Variants in ZNF875 observed in about 807,000 individuals in gnomAD.
ZNF875 encodes the protein zinc finger protein 875.
Under a neutral mutation model 11.2 loss-of-function variants are expected in ZNF875, and 14 were observed. That is an observed-to-expected ratio of 1.26 (90% CI 0.83 to 1.96). ZNF875 has a LOEUF of 1.96. Among genes scored for constraint, ZNF875 ranks in the 30% most tolerant of loss-of-function variants. The pLI, the probability that ZNF875 is intolerant of heterozygous loss-of-function variation, is 0.00. For missense variants in ZNF875, 752 were observed against 760.4 expected, an observed-to-expected ratio of 0.99 and a Z score of 0.13; for synonymous variants, 301 against 281.1, an observed-to-expected ratio of 1.07 and a Z score of -0.71.
At chr19:37,334,003 C>T (rs906105659), upstream of ZNF875, among the ~76,000 whole-genome samples, 3 of 152,038 alleles carry the variant, frequency 2.0e-5, no homozygotes, top group South Asian at 2.1e-4. Flanking sequence ...GATCAAGCTT[C>T]GGATCCCCAC....
At chr19:37,347,395 G>A in intron 3 of ZNF875, 79 bp downstream of exon 3, 1 of 1,353,616 alleles carries the variant, frequency 7.4e-7, no homozygotes, top group Non-Finnish European at 1.0e-6. Flanking sequence ...GCTACCTGCA[G>A]AGCACCTTTC....
At chr19:37,347,111 C>T in intron 2 of ZNF875, 79 bp from the exon 3 acceptor site, 1 of 1,600,442 alleles carries the variant, frequency 6.2e-7, no homozygotes, top group Non-Finnish European at 8.6e-7. Flanking sequence ...ACCACCGGGC[C>T]TGGCCTTGAC....
intron 2 of ZNF875, among the ~76,000 whole-genome samples, chr19:37,337,046 C>G (rs570205057): frequency 9.8e-5 from 15 of 152,298 alleles, no homozygotes; most frequent in African/African-American, 3.6e-4. Flanking sequence ...TGGGACATTT[C>G]CAAAATTCCA....
At chr19:37,349,799 C>T (rs1647195672) in intron 4 of ZNF875, among the ~76,000 whole-genome samples, 1 of 151,900 alleles carries the variant, frequency 6.6e-6, no homozygotes, top group Non-Finnish European at 1.5e-5. Flanking sequence ...GGACTACAGG[C>T]GTGTGCCACC....
chr19:37,349,795 C>CAA (rs2146332335), intron 4 of ZNF875, among the ~76,000 whole-genome samples: 1 of 152,152 alleles, frequency 6.6e-6, no homozygotes, highest in African/African-American at 2.4e-5. Context: ...GCGGGGACTA[C>CAA]AGGCGTGTGC....
chr19:37,350,323 C>A (rs2037635859), intron 4 of ZNF875, among the ~76,000 whole-genome samples: 1 of 151,464 alleles, frequency 6.6e-6, no homozygotes, highest in Non-Finnish European at 1.5e-5. Context: ...CATCTCCTGA[C>A]CTCATGATCC....
chr19:37,330,147 C>G (rs1459795261), upstream of ZNF875, among the ~76,000 whole-genome samples: 1 of 151,854 alleles, frequency 6.6e-6, no homozygotes, highest in African/African-American at 2.4e-5. Context: ...TTTTACCTAT[C>G]TTTTAAATTG....
At chr19:37,355,817 C>T (rs2038805104) in intron 4 of ZNF875, among the ~76,000 whole-genome samples, 1 of 152,068 alleles carries the variant, frequency 6.6e-6, no homozygotes, top group African/African-American at 2.4e-5. Flanking sequence ...TGTACATGTG[C>T]AGGTTTGTTA....
At chr19:37,343,081 G>A (rs2036059976) in intron 2 of ZNF875, among the ~76,000 whole-genome samples, 1 of 152,178 alleles carries the variant, frequency 6.6e-6, no homozygotes, top group Non-Finnish European at 1.5e-5. Context: ...GCTCTCACCT[G>A]TAATCCCAAC....
intron 4 of ZNF875, among the ~76,000 whole-genome samples, chr19:37,327,614 A>G (rs1391688045): frequency 6.6e-6 from 1 of 151,634 alleles, no homozygotes; most frequent in Non-Finnish European, 1.5e-5. Context: ...CTAAAAATAC[A>G]AAATTATTCG....
At position 37,363,045 on chromosome 19, in the gene ZNF875, A is replaced by G. The variant is rs1168803916; in HGVS notation, c.1193A>G (p.Glu398Gly). Reference protein sequence around the residue: ...HSGEKPYICRECEQGFSQKSH... With the variant: ...HSGEKPYICRGCEQGFSQKSH... Reference sequence around the variant, plus strand: ...GGAGAGAAGCCTTACATTTGCAGGGAGTGTGAGCAAGGCTTTAGCCAGAAG... The same window carrying G: ...GGAGAGAAGCCTTACATTTGCAGGGGGTGTGAGCAAGGCTTTAGCCAGAAG... The change falls in exon 5 of 5, where the codon GAG becomes GGG. Residue 398 changes from glutamate (E) to glycine (G), a missense_variant. By Grantham distance (98) the Glu-to-Gly change is moderately conservative. Coordinates refer to ENST00000392153, the MANE Select transcript of ZNF875 (RefSeq NM_001353803.2). 1.2e-6 allele frequency: 2 copies of G among 1,614,098 alleles called. No homozygotes were observed. The highest frequency in any genetic ancestry group is 1.3e-5 in the African/African-American group (1 of 74,944).
At chr19:37,321,662 AG>A (rs2031487900) in intron 1 of ZNF875, among the ~76,000 whole-genome samples, 2 of 152,066 alleles carry the variant, frequency 1.3e-5, no homozygotes, top group South Asian at 4.2e-4. Context: ...TCAGGTGTGG[AG>A]GGGCAGGCCA....
At chr19:37,344,960 T>A in intron 2 of ZNF875, 1 of 562,812 alleles carries the variant, frequency 1.8e-6, no homozygotes, top group South Asian at 1.9e-5. Flanking sequence ...GTTTCAGACA[T>A]ATGGAAAAAA....
At chr19:37,350,450 A>G (rs2037657014) in intron 4 of ZNF875, among the ~76,000 whole-genome samples, 1 of 152,076 alleles carries the variant, frequency 6.6e-6, no homozygotes, top group African/African-American at 2.4e-5. Context: ...AAAATAATAC[A>G]GAGAGTTTCC....
At chr19:37,314,503 A>T (rs2030098075), upstream of ZNF875, among the ~76,000 whole-genome samples, 1 of 152,164 alleles carries the variant, frequency 6.6e-6, no homozygotes, top group Non-Finnish European at 1.5e-5. Flanking sequence ...GTAGAATAAG[A>T]TGGTCCTAGG....
At chr19:37,322,438 A>G (rs1198129790) in intron 2 of ZNF875, among the ~76,000 whole-genome samples, 5 of 152,162 alleles carry the variant, frequency 3.3e-5, no homozygotes, top group Non-Finnish European at 7.3e-5. Flanking sequence ...TAATTTACAG[A>G]GCAAATACCC....
intron 4 of ZNF875, among the ~76,000 whole-genome samples, chr19:37,356,349 C>T (rs1165322672): frequency 1.3e-5 from 2 of 152,148 alleles, no homozygotes; most frequent in East Asian, 1.9e-4. Context: ...TACTGTTTGC[C>T]ATACAGGTTG....
rs1296927511 is a variant in ZNF875, at chr19:37,362,918, CA to C, written c.1067del (p.His356ProfsTer58). On this transcript the variant is annotated frameshift_variant, in exon 5 of 5. Coordinates refer to ENST00000392153, the MANE Select transcript of ZNF875 (RefSeq NM_001353803.2). LOFTEE classifies it low-confidence loss of function (END_TRUNC). ...TAGCCTGAAGTCAAACCTCATTACC[CA>C]CCAGAGGGCGCACACTGGGGAGAAG... ...SFSLKSNLITHQRAHTGEKPY... is the reference protein window; with the variant it reads ...SFSLKSNLITXQRAHTGEKPY... The C allele has an allele frequency of 6.2e-7, 1 of 1,613,564 alleles. No individual in the cohort carries two copies. The highest frequency in any genetic ancestry group is 1.3e-5 in the African/African-American group (1 of 74,798).
chr19:37,362,351 A>G lies in ZNF875; in HGVS notation c.499A>G (p.Arg167Gly), dbSNP rs2040078169. 1.2e-6 allele frequency: 2 copies of G among 1,614,040 alleles called. No homozygotes were observed. Among genetic ancestry groups the G allele is most frequent in the Admixed American group, 3.3e-5 (2 of 59,998 alleles). ...EGEDSRLLFGRVSKNGTSKAL... is the reference protein window; with the variant it reads ...EGEDSRLLFGGVSKNGTSKAL... ...AGAAGACTCCAGACTCCTGTTTGGG[A>G]GAGTAAGCAAAAATGGCACTTCAAA... is the stretch of plus-strand genomic sequence containing the variant. The change falls in exon 5 of 5, where the codon AGA becomes GGA. Residue 167 changes from arginine to glycine, a missense_variant. Arg to Gly is a moderately radical substitution (Grantham distance 125). Coordinates refer to ENST00000392153, the MANE Select transcript of ZNF875 (RefSeq NM_001353803.2).
Sources: gnomAD v4.1 joint callset for allele counts (sites outside exome capture counted in the v4.1 genomes callset) on GRCh38, gnomAD v4.1.1 for gene constraint, MANE v1.5 for transcripts, NCBI Gene and HGNC (gene_info 2026-07-23, HGNC 2026-07-21) for gene names.